IFI30: variants seen among roughly 807,000 people sequenced by gnomAD.
IFI30 encodes IFI30 lysosomal thiol reductase, also known as gamma-interferon-inducible lysosomal thiol reductase.
A neutral mutation model predicts 30.1 loss-of-function variants in IFI30; 26 were observed. The ratio of observed to expected loss-of-function variants is 0.87; its 90% CI spans 0.63 to 1.20. The LOEUF (loss-of-function observed/expected upper bound fraction) is 1.20, where lower values mean the gene tolerates loss of function less well. IFI30 is among the 50% of genes most tolerant of loss of function. IFI30 has a pLI of 0.00. For synonymous variants in IFI30, 149 were observed against 134.5 expected (o/e 1.11, Z -0.75); for missense variants, 296 against 312.5 (o/e 0.95, Z 0.40).
intron 4 of IFI30, among the ~76,000 whole-genome samples, chr19:18,176,141 C>CTTTTTTTTTTTTTT (rs71336666): frequency 1.8e-5 from 1 of 56,448 alleles, no homozygotes; most frequent in African/African-American, 7.5e-5. Context: ...GCACCCAGCC[C>CTTTTTTTTTTTTTT]TTTTTTTTTT....
In IFI30 at chr19:18,177,155, GC is replaced by G; in HGVS notation, c.503del (p.Pro168GlnfsTer87). On this transcript the variant is annotated frameshift_variant, in exon 5 of 7. Coordinates refer to ENST00000407280, the MANE Select transcript of IFI30 (RefSeq NM_006332.5). LOFTEE classifies it high-confidence loss of function. The stretch of plus-strand genomic sequence containing the variant: ...ACCCACCCAGTGCCTGCAGCTCTAC[GC>G]CCCAGGGCTGTCGCCAGACACTATC... ...RSLPLCLQLY[A>X]PGLSPDTIME... The G allele has an allele frequency of 1.9e-6, 3 of 1,552,160 alleles. No homozygotes were observed. The highest frequency in any genetic ancestry group is 1.2e-5 in the South Asian group (1 of 84,972).
At chr19:18,174,115 C>T (rs892613815) in intron 1 of IFI30, 142 bp downstream of exon 1, 20 of 781,696 alleles carry the variant, frequency 2.6e-5, no homozygotes, top group Non-Finnish European at 3.9e-5. Context: ...TGGAAAAACC[C>T]TGTTCAGTTC....
chr19:18,175,140 T>G lies in IFI30; in HGVS notation c.233T>G (p.Phe78Cys). Residue 78 changes from phenylalanine (F) to cysteine (C), a missense_variant, in exon 2 of 7, where the codon TTC (phenylalanine) becomes TGC (cysteine). Physicochemically the swap from Phe to Cys is radical, Grantham distance 205 (BLOSUM62 -2). Coordinates refer to ENST00000407280, the MANE Select transcript of IFI30 (RefSeq NM_006332.5). ...GCACTGTGCGGTGGCTGCCGAGCCT[T>G]CCTGATCCGGGAGCTCTTCCCAACA... ...YEALCGGCRA[F>C]LIRELFPTWL... 5 of 1,612,030 alleles carry G rather than the reference T, an allele frequency of 3.1e-6. No individual in the cohort carries two copies. The highest frequency in any genetic ancestry group is 4.2e-6 in the Non-Finnish European group (5 of 1,179,030).
At position 18,176,277 on chromosome 19, in the gene IFI30, C is replaced by T. The variant is rs1469420062; in HGVS notation, c.483+580C>T. On this transcript the variant is annotated intron_variant, in intron 4 of 6. Transcript: ENST00000407280. The stretch of plus-strand genomic sequence containing the variant: ...TTAAGTGATCCTCCTGCCTCAGCTT[C>T]CCCAGTAGCTGGGACTACAGGTGTG... 4.0e-5 allele frequency among the ~76,000 whole-genome samples: 6 copies of T among 150,674 alleles called. No homozygotes were observed. In the East Asian group the frequency reaches 1.2e-3, roughly 29 times the overall value.
Position 18,178,101 on chromosome 19 carries a change from A to T in IFI30, c.*190A>T, listed in dbSNP as rs537499841. ...CTCCACTAAGAATGGTGCTAAAGTAAAACTAGTTTAATAAGCCCTTCTGGA... is the reference window on the plus strand; with the variant it reads ...CTCCACTAAGAATGGTGCTAAAGTATAACTAGTTTAATAAGCCCTTCTGGA... On this transcript the variant is annotated 3_prime_UTR_variant, in exon 7 of 7. Coordinates refer to ENST00000407280, the MANE Select transcript of IFI30 (RefSeq NM_006332.5). 1.6e-6 allele frequency: 1 copy of T among 615,486 alleles called. No homozygotes were observed. Among genetic ancestry groups the T allele is most frequent in the East Asian group, 2.8e-5 (1 of 36,076 alleles). 38.1% of individuals were successfully genotyped at this position (615,486 alleles called of 1,614,324 possible). A position where few individuals can be genotyped will look rare whatever the true frequency, so the allele number is the denominator to read the frequency against.
Position 18,175,398 on chromosome 19 carries a change from AG to A in IFI30, c.390+16del, listed in dbSNP as rs1241895024. 2 of 1,578,564 alleles carry A rather than the reference AG, an allele frequency of 1.3e-6. No homozygotes were observed. On this transcript the variant is annotated intron_variant, in intron 3 of 6. Coordinates refer to ENST00000407280, the MANE Select transcript of IFI30 (RefSeq NM_006332.5). ...CAACAAGGTGGAGGTGAGCGGCCCC[AG>A]GGCCCCACACTGGGGTGGGGGAAAA...
intron 1 of IFI30, 27 bp downstream of exon 1, chr19:18,174,000 C>CT: frequency 6.5e-7 from 1 of 1,540,728 alleles, no homozygotes; most frequent in Non-Finnish European, 8.8e-7. Context: ...GGCGGGCAGG[C>CT]TGGAGGGAAC....
rs71336666 is a variant in IFI30, at chr19:18,176,141, CTTTTTTTTTTTT to C, written c.483+464_483+475del. Among the ~76,000 whole-genome samples the C allele has an allele frequency of 9.6e-4, 54 of 56,458 alleles. No individual in the cohort carries two copies. The East Asian group carries it at 0.017, about 18-fold the overall frequency. The allele number at this position is 56,458 out of a possible 152,430, so 37.0% of individuals were successfully genotyped here. A position where few individuals can be genotyped will look rare whatever the true frequency, so the allele number is the denominator to read the frequency against. On this transcript the variant is annotated intron_variant, in intron 4 of 6. Coordinates refer to ENST00000407280, the MANE Select transcript of IFI30 (RefSeq NM_006332.5). The stretch of plus-strand genomic sequence containing the variant: ...CAGGCGTGAGCCACCGCACCCAGCC[CTTTTTTTTTTTT>C]TTTTTTTTTTTTTTTTTTTGAGACA...
chr19:18,178,030 A>G lies in IFI30; in HGVS notation c.*119A>G, dbSNP rs575384663. 59 of 967,092 alleles carry G rather than the reference A, an allele frequency of 6.1e-5. No individual in the cohort carries two copies. Among genetic ancestry groups the G allele is most frequent in the Non-Finnish European group, 9.3e-5 (58 of 624,308 alleles). The allele number at this position is 967,092 out of a possible 1,614,324, so 59.9% of individuals were successfully genotyped here. A position where few individuals can be genotyped will look rare whatever the true frequency, so the allele number is the denominator to read the frequency against. On this transcript the variant is annotated 3_prime_UTR_variant, in exon 7 of 7. Coordinates refer to ENST00000407280, the MANE Select transcript of IFI30 (RefSeq NM_006332.5). ...CCAACTGGAAAATTTTATGCATCCCATGAAGCCCAGATACACAAAATTCCA... is the reference window on the plus strand; with the variant it reads ...CCAACTGGAAAATTTTATGCATCCCGTGAAGCCCAGATACACAAAATTCCA...
rs1444068333 is a variant in IFI30 at position 18,175,385 on chromosome 19, G to A, written c.390G>A (p.Glu130=). Residue 130 remains glutamate, a splice_region_variant and synonymous_variant, in exon 3 of 7, where the codon GAG becomes GAA. Transcript: ENST00000407280. Reference sequence around the variant, plus strand: ...AGGAGTGCAAATTCAACAAGGTGGAGGTGAGCGGCCCCAGGGCCCCACACT... The same window carrying A: ...AGGAGTGCAAATTCAACAAGGTGGAAGTGAGCGGCCCCAGGGCCCCACACT... ...GEEECKFNKV[E]ACVLDELDME... 1 of 1,586,568 alleles carries A rather than the reference G, an allele frequency of 6.3e-7. No individual in the cohort carries two copies. The highest frequency in any genetic ancestry group is 1.3e-5 in the African/African-American group (1 of 74,428).
Position 18,177,879 on chromosome 19 carries a change from A to G in IFI30, c.721A>G (p.Thr241Ala). ...GKKPDVCPSS[T>A]SSLRSVCFK ...GAAGCCGGATGTCTGCCCTTCCTCA[A>G]CCAGCTCCCTCAGGAGTGTTTGCTT... is the stretch of plus-strand genomic sequence containing the variant. Residue 241 changes from threonine (T) to alanine (A), a missense_variant, in exon 7 of 7, where the codon ACC becomes GCC. Thr to Ala is a moderately conservative substitution (Grantham distance 58). Transcript: ENST00000407280. 6.3e-7 allele frequency: 1 copy of G among 1,597,092 alleles called. No individual in the cohort carries two copies. The highest frequency in any genetic ancestry group is 1.3e-5 in the African/African-American group (1 of 74,634).
In IFI30 at chr19:18,178,021, A is replaced by T. The variant is rs1490538717; in HGVS notation, c.*110A>T. On this transcript the variant is annotated 3_prime_UTR_variant, in exon 7 of 7. Coordinates refer to ENST00000407280, the MANE Select transcript of IFI30 (RefSeq NM_006332.5). The stretch of plus-strand genomic sequence containing the variant: ...TGCTACTTACCAACTGGAAAATTTT[A>T]TGCATCCCATGAAGCCCAGATACAC... 2.8e-6 allele frequency: 3 copies of T among 1,055,642 alleles called. No homozygotes were observed. The highest frequency in any genetic ancestry group is 4.3e-6 in the Non-Finnish European group (3 of 703,180). 65.4% of individuals were successfully genotyped at this position (1,055,642 alleles called of 1,614,324 possible).
rs1314604238 is a variant in IFI30 at position 18,175,054 on chromosome 19, C to A, written c.147C>A (p.Tyr49Ter). The A allele has an allele frequency of 6.2e-7, 1 of 1,613,564 alleles. No homozygotes were observed. Among genetic ancestry groups the A allele is most frequent in the Non-Finnish European group, 8.5e-7 (1 of 1,179,680 alleles). ...PPVNYKTGNL[Y>*]LRGPLKKSNA... ...CTAATCCACAGACAGGCAATCTATA[C>A]CTGCGGGGGCCCCTGAAGAAGTCCA... is the stretch of plus-strand genomic sequence containing the variant. Residue 49 changes from tyrosine to a stop codon, truncating the protein, a stop_gained, in exon 2 of 7, where the codon TAC becomes TAA. Transcript: ENST00000407280. LOFTEE classifies it high-confidence loss of function.
chr19:18,176,585 G>C (rs1967271943), intron 4 of IFI30, among the ~76,000 whole-genome samples: 1 of 152,156 alleles, frequency 6.6e-6, no homozygotes, highest in Admixed American at 6.6e-5. Context: ...GGAATGTGCA[G>C]AGACACAGAT....
chr19:18,176,033 G>A (rs1967265677), intron 4 of IFI30, among the ~76,000 whole-genome samples: 1 of 151,652 alleles, frequency 6.6e-6, no homozygotes, highest in Non-Finnish European at 1.5e-5. Flanking sequence ...AGTAGAGACA[G>A]GGTTTCACCA....
chr19:18,175,655 C>T lies in IFI30; in HGVS notation c.441C>T (p.Val147=). 1.2e-6 allele frequency: 2 copies of T among 1,610,686 alleles called. No individual in the cohort carries two copies. Among genetic ancestry groups the T allele is most frequent in the Non-Finnish European group, 1.7e-6 (2 of 1,178,530 alleles). ...LDMELAFLTI[V]CMEEFEDMER... ...TGGAGCTAGCCTTCCTGACCATTGT[C>T]TGCATGGAAGAGTTTGAGGACATGG... Residue 147 remains valine (V), a synonymous_variant, in exon 4 of 7, where the codon GTC becomes GTT. Transcript: ENST00000407280.
At chr19:18,175,274 C>A in intron 2 of IFI30, 37 bp from the exon 3 acceptor site, 2 of 1,574,922 alleles carry the variant, frequency 1.3e-6, no homozygotes, top group East Asian at 2.3e-5. Flanking sequence ...GCAGGGGACC[C>A]AGCCTACCAG....
At chr19:18,174,045 TC>T in intron 1 of IFI30, 72 bp downstream of exon 1, 2 of 1,399,290 alleles carry the variant, frequency 1.4e-6, no homozygotes, top group Admixed American at 4.7e-5. Context: ...TCCTTCTTTC[TC>T]CCCAGACTTC....
Position 18,177,217 on chromosome 19 carries a change from C to T in IFI30, c.561C>T (p.Leu187=), listed in dbSNP as rs777366189. 10 of 1,588,656 alleles carry T rather than the reference C, an allele frequency of 6.3e-6. No individual in the cohort carries two copies. The highest frequency in any genetic ancestry group is 1.8e-5 in the Admixed American group (1 of 55,814). The change falls in exon 5 of 7, where the codon CTC becomes CTT. Residue 187 remains leucine, a synonymous_variant. Coordinates refer to ENST00000407280, the MANE Select transcript of IFI30 (RefSeq NM_006332.5). ...CAATGGGGGACCGCGGCATGCAGCTCATGCACGCCAACGCCCAGCGGACAG... is the reference window on the plus strand; with the variant it reads ...CAATGGGGGACCGCGGCATGCAGCTTATGCACGCCAACGCCCAGCGGACAG... ...ECAMGDRGMQ[L]MHANAQRTDA...
Sources: gnomAD v4.1 joint callset for allele counts (sites outside exome capture counted in the v4.1 genomes callset) on GRCh38, gnomAD v4.1.1 for gene constraint, MANE v1.5 for transcripts, NCBI Gene and HGNC (gene_info 2026-07-23, HGNC 2026-07-21) for gene names.